The following BHLHE22 variants were observed in gnomAD, a reference collection of about 807,000 sequenced individuals.
BHLHE22 encodes basic helix-loop-helix family member e22, also known as class E basic helix-loop-helix protein 22.
BHLHE22 carries 8 observed loss-of-function variants against 17.6 expected under a neutral mutation model. That is an observed-to-expected ratio of 0.45 (90% CI 0.27 to 0.82). The LOEUF is 0.82. Ranked by LOEUF, BHLHE22 falls within the 40% of genes least tolerant of loss-of-function variation. The pLI is 0.16. For missense variants in BHLHE22, 570 were observed against 581.5 expected, an observed-to-expected ratio of 0.98 and a Z score of 0.20; for synonymous variants, 353 against 282.7, an observed-to-expected ratio of 1.25 and a Z score of -2.49.
chr8:64,581,729 C>A lies in BHLHE22; in HGVS notation c.939C>A (p.Gly313=), dbSNP rs1471167585. ...GCCTAGTCGCCTACCTCAACCAGGG[C>A]CAGGCCATCTCGGCTGCCTCCCTGC... ...MRRLVAYLNQ[G]QAISAASLPS... is the part of the protein sequence containing the mutation. Residue 313 remains glycine (G), a synonymous_variant, in exon 1 of 1, where the codon GGC becomes GGA. Coordinates refer to ENST00000321870, the MANE Select transcript of BHLHE22 (RefSeq NM_152414.5). The surrounding 1 kb of genome is among the most constrained non-coding windows in gnomAD (Gnocchi z 6.4). The A allele has an allele frequency of 1.2e-6, 2 of 1,603,898 alleles. No individual in the cohort carries two copies. Among genetic ancestry groups the A allele is most frequent in the Admixed American group, 1.7e-5 (1 of 59,094 alleles).
chr8:64,580,486 G>C lies in BHLHE22; in HGVS notation c.-305G>C, dbSNP rs1395445860. The stretch of plus-strand genomic sequence containing the variant: ...GCGGGGCTGGGCTCAGAGCGGCGGC[G>C]GCGGCGGCTCCACTCCCTCCGCGCC... On this transcript the variant is annotated 5_prime_UTR_variant, in exon 1 of 1. Coordinates refer to ENST00000321870, the MANE Select transcript of BHLHE22 (RefSeq NM_152414.5). 2 of 156,342 alleles carry C rather than the reference G, an allele frequency of 1.3e-5. No individual in the cohort carries two copies. The highest frequency in any genetic ancestry group is 6.5e-5 in the Admixed American group (1 of 15,318). The allele number at this position is 156,342 out of a possible 1,614,324, so 9.7% of individuals were successfully genotyped here.
chr8:64,582,143 A>C lies in BHLHE22; in HGVS notation c.*207A>C. ...ATCTCGGTCTTTGGGGTGGGGAGGG[A>C]GGGAGGAGGGAGGTGGAGTTGGGAT... On this transcript the variant is annotated 3_prime_UTR_variant, in exon 1 of 1. Transcript: ENST00000321870. The C allele has an allele frequency of 2.9e-6, 1 of 348,386 alleles. No homozygotes were observed. Among genetic ancestry groups the C allele is most frequent in the Non-Finnish European group, 5.7e-6 (1 of 176,986 alleles). 21.6% of individuals were successfully genotyped at this position (348,386 alleles called of 1,614,324 possible). A position where few individuals can be genotyped will look rare whatever the true frequency, so the allele number is the denominator to read the frequency against.
In BHLHE22 at chr8:64,580,732, C is replaced by T. The variant is rs934241669; in HGVS notation, c.-59C>T. On this transcript the variant is annotated 5_prime_UTR_variant, in exon 1 of 1. Coordinates refer to ENST00000321870, the MANE Select transcript of BHLHE22 (RefSeq NM_152414.5). ...TCTGTGGGGCCGCCTGACTCCGGGG[C>T]CGAGGCGGCGGCGGCGGCAGCGGGC... 8.0e-6 allele frequency: 8 copies of T among 997,558 alleles called. No individual in the cohort carries two copies. In the African/African-American group the frequency reaches 1.4e-4, roughly 18 times the overall value. 61.8% of individuals were successfully genotyped at this position (997,558 alleles called of 1,614,324 possible). A position where few individuals can be genotyped will look rare whatever the true frequency, so the allele number is the denominator to read the frequency against.
At position 64,581,240 on chromosome 8, in the gene BHLHE22, C is replaced by A; in HGVS notation, c.450C>A (p.Asp150Glu). 1 of 1,454,734 alleles carries A rather than the reference C, an allele frequency of 6.9e-7. No homozygotes were observed. The highest frequency in any genetic ancestry group is 9.0e-7 in the Non-Finnish European group (1 of 1,115,580). 90.1% of individuals were successfully genotyped at this position (1,454,734 alleles called of 1,614,324 possible). ...ESSGGEQSPD[D>E]DSDGRCELVL... Reference sequence around the variant, plus strand: ...GCGGCGGCGAGCAGAGCCCCGACGACGACAGCGACGGTCGCTGCGAGCTCG... The same window carrying A: ...GCGGCGGCGAGCAGAGCCCCGACGAAGACAGCGACGGTCGCTGCGAGCTCG... Residue 150 changes from aspartate to glutamate, a missense_variant, in exon 1 of 1, where the codon GAC (aspartate) becomes GAA (glutamate). Asp to Glu is a conservative substitution (Grantham distance 45). Coordinates refer to ENST00000321870, the MANE Select transcript of BHLHE22 (RefSeq NM_152414.5). This position sits in a 1 kb window ranked among gnomAD's most constrained non-coding sequence, Gnocchi z 6.4.
chr8:64,581,099 G>A lies in BHLHE22; in HGVS notation c.309G>A (p.Leu103=). The A allele has an allele frequency of 7.4e-7, 1 of 1,344,298 alleles. No individual in the cohort carries two copies. The highest frequency in any genetic ancestry group is 9.5e-7 in the Non-Finnish European group (1 of 1,057,634). The allele number at this position is 1,344,298 out of a possible 1,614,324, so 83.3% of individuals were successfully genotyped here. The change falls in exon 1 of 1, where the codon CTG becomes CTA. Residue 103 remains leucine (L), a synonymous_variant. Coordinates refer to ENST00000321870, the MANE Select transcript of BHLHE22 (RefSeq NM_152414.5). This position sits in a 1 kb window ranked among gnomAD's most constrained non-coding sequence, Gnocchi z 6.4. ...GCGGCGGGGTGGGTGTCCCCGGGCT[G>A]CTAGTAGGTTCAGCCGGCGTTGGGG... The part of the protein sequence containing the change: ...GGGGGVGVPG[L]LVGSAGVGGD...
In BHLHE22 at chr8:64,581,158, C is replaced by A; in HGVS notation, c.368C>A (p.Ala123Asp). The change falls in exon 1 of 1, where the codon GCC (alanine) becomes GAC (aspartate). Residue 123 changes from alanine (A) to aspartate (D), a missense_variant. By Grantham distance (126) the Ala-to-Asp change is moderately radical. Coordinates refer to ENST00000321870, the MANE Select transcript of BHLHE22 (RefSeq NM_152414.5). This position sits in a 1 kb window ranked among gnomAD's most constrained non-coding sequence, Gnocchi z 6.4. The part of the protein sequence containing the change: ...DPSLSSLPAG[A>D]ALCLKYGESA... The stretch of plus-strand genomic sequence containing the variant: ...AGCCTAAGCAGCCTGCCGGCCGGGG[C>A]CGCCCTTTGCCTCAAGTACGGCGAA... 1 of 1,414,146 alleles carries A rather than the reference C, an allele frequency of 7.1e-7. No homozygotes were observed. The highest frequency in any genetic ancestry group is 9.1e-7 in the Non-Finnish European group (1 of 1,094,808). 87.6% of individuals were successfully genotyped at this position (1,414,146 alleles called of 1,614,324 possible). A position where few individuals can be genotyped will look rare whatever the true frequency, so the allele number is the denominator to read the frequency against.
Position 64,581,847 on chromosome 8 carries a change from C to G in BHLHE22, c.1057C>G (p.Leu353Val). Residue 353 changes from leucine to valine, a missense_variant, in exon 1 of 1, where the codon CTG becomes GTG. Transcript: ENST00000321870. This position sits in a 1 kb window ranked among gnomAD's most constrained non-coding sequence, Gnocchi z 6.4. ...AGCCGGCTACCCGTTCAGCGCCGGA[C>G]TGCCCCCGGCTGCCTCCTGCCCGGA... ...QAAGYPFSAGLPPAASCPEKC... is the reference protein window; with the variant it reads ...QAAGYPFSAGVPPAASCPEKC... 2 of 1,607,104 alleles carry G rather than the reference C, an allele frequency of 1.2e-6. No individual in the cohort carries two copies. Among genetic ancestry groups the G allele is most frequent in the Non-Finnish European group, 1.7e-6 (2 of 1,179,120 alleles).
Position 64,581,371 on chromosome 8 carries a change from G to C in BHLHE22, c.581G>C (p.Ser194Thr). 2 of 1,478,248 alleles carry C rather than the reference G, an allele frequency of 1.4e-6. No individual in the cohort carries two copies. The highest frequency in any genetic ancestry group is 1.8e-6 in the Non-Finnish European group (2 of 1,126,088). The allele number at this position is 1,478,248 out of a possible 1,614,324, so 91.6% of individuals were successfully genotyped here. A position where few individuals can be genotyped will look rare whatever the true frequency, so the allele number is the denominator to read the frequency against. The part of the protein sequence containing the change: ...CSNAHLHGGA[S>T]VPPGGLGGGG... ...AATGCCCACCTCCACGGCGGCGCCA[G>C]CGTCCCCCCGGGGGGCCTGGGCGGC... The change falls in exon 1 of 1, where the codon AGC (serine) becomes ACC (threonine). Residue 194 changes from serine (S) to threonine (T), a missense_variant. Ser to Thr is a moderately conservative substitution (Grantham distance 58, BLOSUM62 1). Transcript: ENST00000321870. This position sits in a 1 kb window ranked among gnomAD's most constrained non-coding sequence, Gnocchi z 6.4.
rs1185271932 is a variant in BHLHE22 at position 64,581,161 on chromosome 8, C to A, written c.371C>A (p.Ala124Asp). 1 of 1,418,712 alleles carries A rather than the reference C, an allele frequency of 7.0e-7. No homozygotes were observed. The highest frequency in any genetic ancestry group is 2.8e-5 in the East Asian group (1 of 35,658). The allele number at this position is 1,418,712 out of a possible 1,614,324, so 87.9% of individuals were successfully genotyped here. ...PSLSSLPAGA[A>D]LCLKYGESAS... Reference sequence around the variant, plus strand: ...CTAAGCAGCCTGCCGGCCGGGGCCGCCCTTTGCCTCAAGTACGGCGAAAGC... The same window carrying A: ...CTAAGCAGCCTGCCGGCCGGGGCCGACCTTTGCCTCAAGTACGGCGAAAGC... The change falls in exon 1 of 1, where the codon GCC becomes GAC. Residue 124 changes from alanine to aspartate, a missense_variant. Transcript: ENST00000321870. This position sits in a 1 kb window ranked among gnomAD's most constrained non-coding sequence, Gnocchi z 6.4.
Position 64,581,925 on chromosome 8 carries a change from G to A in BHLHE22, c.1135G>A (p.Glu379Lys), listed in dbSNP as rs1417999774. 1.9e-6 allele frequency: 3 copies of A among 1,611,546 alleles called. No individual in the cohort carries two copies. Among genetic ancestry groups the A allele is most frequent in the African/African-American group, 2.7e-5 (2 of 74,866 alleles). Residue 379 changes from glutamate to lysine, a missense_variant, in exon 1 of 1, where the codon GAG becomes AAG. Physicochemically the swap from Glu to Lys is moderately conservative, Grantham distance 56 (BLOSUM62 1). Coordinates refer to ENST00000321870, the MANE Select transcript of BHLHE22 (RefSeq NM_152414.5). The surrounding 1 kb of genome is among the most constrained non-coding windows in gnomAD (Gnocchi z 6.4). ...CTCCAGCCTCTGCAAACAGTGCACG[G>A]AGAAGCCTTAAACACACCCCCGAAA... is the stretch of plus-strand genomic sequence containing the variant. ...VSSSLCKQCT[E>K]KP
At position 64,580,637 on chromosome 8, in the gene BHLHE22, G is replaced by C. The variant is rs1375250801; in HGVS notation, c.-154G>C. The C allele has an allele frequency of 8.9e-6, 2 of 224,638 alleles. No individual in the cohort carries two copies. The highest frequency in any genetic ancestry group is 2.4e-5 in the African/African-American group (1 of 42,404). 13.9% of individuals were successfully genotyped at this position (224,638 alleles called of 1,614,324 possible). On this transcript the variant is annotated 5_prime_UTR_variant, in exon 1 of 1. Coordinates refer to ENST00000321870, the MANE Select transcript of BHLHE22 (RefSeq NM_152414.5). ...GGGGAAGGCGAAAAAGAAAAAGAAA[G>C]AAGGGGAGAGGGCTCCCGGCAGCAC...
chr8:64,581,463 G>GGCGGCAGCA lies in BHLHE22; in HGVS notation c.675_676insGGCAGCAGC (p.Gly225_Ser226insGlySerSer). The stretch of plus-strand genomic sequence containing the variant: ...TGGCGGTAGCGGTAGCGGCAGCGGC[G>GGCGGCAGCA]GCAGCAGCAGCAGCAGCAGCAGCAG... On this transcript the variant is annotated inframe_insertion, in exon 1 of 1. Coordinates refer to ENST00000321870, the MANE Select transcript of BHLHE22 (RefSeq NM_152414.5). This position sits in a 1 kb window ranked among gnomAD's most constrained non-coding sequence, Gnocchi z 6.4. 1 of 1,450,642 alleles carries GGCGGCAGCA rather than the reference G, an allele frequency of 6.9e-7. No homozygotes were observed. The highest frequency in any genetic ancestry group is 9.3e-7 in the Non-Finnish European group (1 of 1,072,894). The allele number at this position is 1,450,642 out of a possible 1,614,324, so 89.9% of individuals were successfully genotyped here. A position where few individuals can be genotyped will look rare whatever the true frequency, so the allele number is the denominator to read the frequency against.
rs1273235605 is a variant in BHLHE22 at position 64,580,937 on chromosome 8, G to T, written c.147G>T (p.Pro49=). 6.8e-7 allele frequency: 1 copy of T among 1,474,844 alleles called. No homozygotes were observed. The highest frequency in any genetic ancestry group is 1.4e-5 in the South Asian group (1 of 73,118). The allele number at this position is 1,474,844 out of a possible 1,614,324, so 91.4% of individuals were successfully genotyped here. ...PPGMDLSLAP[P]PRERPASSSS... ...GCATGGACCTGTCCCTGGCGCCGCCGCCTCGGGAACGCCCGGCGTCCTCCT... is the reference window on the plus strand; with the variant it reads ...GCATGGACCTGTCCCTGGCGCCGCCTCCTCGGGAACGCCCGGCGTCCTCCT... Residue 49 remains proline, a synonymous_variant, in exon 1 of 1, where the codon CCG becomes CCT. Coordinates refer to ENST00000321870, the MANE Select transcript of BHLHE22 (RefSeq NM_152414.5).
Position 64,582,350 on chromosome 8 carries a change from T to G in BHLHE22, c.*414T>G. The stretch of plus-strand genomic sequence containing the variant: ...TACTAATAATTGTGGATTTGGCTAG[T>G]GCTGAGGGGGAGAGGAGGGGTTAGG... On this transcript the variant is annotated 3_prime_UTR_variant, in exon 1 of 1. Transcript: ENST00000321870. 4.3e-6 allele frequency: 1 copy of G among 235,220 alleles called. No individual in the cohort carries two copies. Among genetic ancestry groups the G allele is most frequent in the Non-Finnish European group, 8.7e-6 (1 of 115,006 alleles). The allele number at this position is 235,220 out of a possible 1,614,324, so 14.6% of individuals were successfully genotyped here. A position where few individuals can be genotyped will look rare whatever the true frequency, so the allele number is the denominator to read the frequency against.
At position 64,581,036 on chromosome 8, in the gene BHLHE22, A is replaced by AGGCGGCGGCGGCAGCGCGGGAAGT; in HGVS notation, c.259_282dup (p.Ser87_Gly94dup). 7.6e-7 allele frequency: 1 copy of AGGCGGCGGCGGCAGCGCGGGAAGT among 1,319,298 alleles called. No individual in the cohort carries two copies. 81.7% of individuals were successfully genotyped at this position (1,319,298 alleles called of 1,614,324 possible). ...GGCTGCTGTTGCCGCCGCCTGGAGG[A>AGGCGGCGGCGGCAGCGCGGGAAGT]GGCGGCGGCGGCAGCGCGGGAAGTG... On this transcript the variant is annotated inframe_insertion, in exon 1 of 1. Transcript: ENST00000321870. The surrounding 1 kb of genome is among the most constrained non-coding windows in gnomAD (Gnocchi z 6.4).
rs1804894199 is a variant in BHLHE22 at position 64,581,354 on chromosome 8, C to T, written c.564C>T (p.His188=). 3 of 1,469,432 alleles carry T rather than the reference C, an allele frequency of 2.0e-6. No homozygotes were observed. The highest frequency in any genetic ancestry group is 1.8e-6 in the Non-Finnish European group (2 of 1,122,646). The allele number at this position is 1,469,432 out of a possible 1,614,324, so 91.0% of individuals were successfully genotyped here. ...CAGCCGAGGGCTGCTCCAATGCCCA[C>T]CTCCACGGCGGCGCCAGCGTCCCCC... ...AKAAEGCSNA[H]LHGGASVPPG... is the part of the protein sequence containing the mutation. Residue 188 remains histidine, a synonymous_variant, in exon 1 of 1, where the codon CAC becomes CAT. Transcript: ENST00000321870. This position sits in a 1 kb window ranked among gnomAD's most constrained non-coding sequence, Gnocchi z 6.4.
chr8:64,583,564 A>G lies in BHLHE22; in HGVS notation c.*1628A>G, dbSNP rs1585788397. On this transcript the variant is annotated 3_prime_UTR_variant, in exon 1 of 1. Transcript: ENST00000321870. ...ATAGGTCAATCAGACTATGACAGCT[A>G]TGTACGACCATTTGTATGTGTATCT... 6.0e-6 allele frequency: 1 copy of G among 167,106 alleles called. No homozygotes were observed. The highest frequency in any genetic ancestry group is 1.5e-5 in the Non-Finnish European group (1 of 68,124). The allele number at this position is 167,106 out of a possible 1,614,324, so 10.4% of individuals were successfully genotyped here. A position where few individuals can be genotyped will look rare whatever the true frequency, so the allele number is the denominator to read the frequency against.
At position 64,582,006 on chromosome 8, in the gene BHLHE22, T is replaced by G. The variant is rs1563531488; in HGVS notation, c.*70T>G. The G allele has an allele frequency of 2.0e-6, 3 of 1,531,364 alleles. No homozygotes were observed. The highest frequency in any genetic ancestry group is 2.6e-6 in the Non-Finnish European group (3 of 1,135,376). 94.9% of individuals were successfully genotyped at this position (1,531,364 alleles called of 1,614,324 possible). On this transcript the variant is annotated 3_prime_UTR_variant, in exon 1 of 1. Transcript: ENST00000321870. ...AGCGAAAAGCTGCTCCCCACCCCCT[T>G]TATTTTGGTCCTCTCGTAGTTGTGA... is the stretch of plus-strand genomic sequence containing the variant.
chr8:64,582,227 G>A lies in BHLHE22; in HGVS notation c.*291G>A. 1 of 473,946 alleles carries A rather than the reference G, an allele frequency of 2.1e-6. No individual in the cohort carries two copies. 29.4% of individuals were successfully genotyped at this position (473,946 alleles called of 1,614,324 possible). Reference sequence around the variant, plus strand: ...GGCAACTTTGGTGGCAGCCTAGACCGCGAGGAAGTGGAATCTTCCTTAAAG... The same window carrying A: ...GGCAACTTTGGTGGCAGCCTAGACCACGAGGAAGTGGAATCTTCCTTAAAG... On this transcript the variant is annotated 3_prime_UTR_variant, in exon 1 of 1. Transcript: ENST00000321870.
Sources: gnomAD v4.1 joint callset for allele counts on GRCh38, gnomAD v4.1.1 for gene constraint, Gnocchi (gnomAD v3.1) non-coding constraint, MANE v1.5 for transcripts, NCBI Gene and HGNC (gene_info 2026-07-23, HGNC 2026-07-21) for gene names.